Variants in GXYLT2 observed in about 807,000 individuals in gnomAD.
GXYLT2 encodes the protein glycosyltransferase 8 domain containing 4.
A neutral mutation model predicts 45.8 loss-of-function variants in GXYLT2; 53 were observed. The ratio of observed to expected loss-of-function variants is 1.16; its 90% CI spans 0.93 to 1.46. The LOEUF (loss-of-function observed/expected upper bound fraction) is 1.46. Among genes scored for constraint, GXYLT2 ranks in the 40% most tolerant of loss-of-function variants. GXYLT2 has a pLI of 0.00. For missense variants in GXYLT2, 551 were observed against 544.4 expected, an observed-to-expected ratio of 1.01 and a Z score of -0.12; for synonymous variants, 219 against 214.2, an observed-to-expected ratio of 1.02 and a Z score of -0.19.
intron 3 of GXYLT2, among the ~76,000 whole-genome samples, chr3:72,927,930 G>A (rs570165031): frequency 1.3e-5 from 2 of 152,288 alleles, no homozygotes; most frequent in African/African-American, 2.4e-5. Context: ...AGCAAAGAAG[G>A]AAATTAATTT....
intron 1 of GXYLT2, among the ~76,000 whole-genome samples, chr3:72,900,436 G>A (rs772563605): frequency 2.0e-5 from 3 of 151,462 alleles, no homozygotes; most frequent in Admixed American, 2.0e-4. Context: ...TTTTTGAGAC[G>A]GAGTTTCACT....
chr3:72,971,419 T>A (rs1559754479), intron 6 of GXYLT2, among the ~76,000 whole-genome samples: 1 of 152,150 alleles, frequency 6.6e-6, no homozygotes, highest in African/African-American at 2.4e-5. Flanking sequence ...TGTGAACCAT[T>A]GTGTAGTGGG....
At chr3:72,967,397 G>T in intron 5 of GXYLT2, 150 bp from the exon 6 acceptor site, 2 of 541,634 alleles carry the variant, frequency 3.7e-6, no homozygotes, top group East Asian at 6.4e-5. Context: ...GACAAATGGG[G>T]CAAAATTTGA....
chr3:72,888,296 G>GCTGCTGTCC lies in GXYLT2; in HGVS notation c.68_76dup (p.Leu23_Leu25dup), dbSNP rs1709104727. ...TCGCGCTGGCCGCGCTGCTGCTGGC[G>GCTGCTGTCC]CTGCTGTCCCTGCGCGCTGGCCGCG... is the stretch of plus-strand genomic sequence containing the variant. On this transcript the variant is annotated inframe_insertion, in exon 1 of 7. Coordinates refer to ENST00000389617, the MANE Select transcript of GXYLT2 (RefSeq NM_001080393.2). The GCTGCTGTCC allele has an allele frequency of 8.1e-6, 8 of 992,588 alleles. No homozygotes were observed. The highest frequency in any genetic ancestry group is 9.6e-6 in the Non-Finnish European group (8 of 837,102). The allele number at this position is 992,588 out of a possible 1,614,324, so 61.5% of individuals were successfully genotyped here.
intron 3 of GXYLT2, among the ~76,000 whole-genome samples, chr3:72,930,244 G>A (rs1254919997): frequency 6.6e-6 from 1 of 151,920 alleles, no homozygotes. Flanking sequence ...TCTATAGGAG[G>A]TGTTCATGCC....
chr3:72,910,410 C>T (rs1709593827), intron 2 of GXYLT2, among the ~76,000 whole-genome samples: 1 of 152,136 alleles, frequency 6.6e-6, no homozygotes, highest in African/African-American at 2.4e-5. Flanking sequence ...TATGTACTTG[C>T]TATATGACCT....
chr3:72,890,680 G>C (rs1003133535), intron 1 of GXYLT2, among the ~76,000 whole-genome samples: 40 of 152,196 alleles, frequency 2.6e-4, no homozygotes, highest in African/African-American at 9.2e-4. Flanking sequence ...GAACAGTGGC[G>C]CAGCATCTTT....
intron 3 of GXYLT2, among the ~76,000 whole-genome samples, chr3:72,946,517 A>G (rs1710409650): frequency 6.6e-6 from 1 of 152,092 alleles, no homozygotes; most frequent in African/African-American, 2.4e-5. Context: ...GTCTAAGATA[A>G]AGGCACCAAA....
intron 3 of GXYLT2, among the ~76,000 whole-genome samples, chr3:72,951,092 A>G (rs1710514865): frequency 6.6e-6 from 1 of 152,236 alleles, no homozygotes; most frequent in Admixed American, 6.5e-5. Flanking sequence ...AATATCCCAC[A>G]TCCCATTATA....
intron 5 of GXYLT2, among the ~76,000 whole-genome samples, chr3:72,961,709 A>G (rs62249925): frequency 0.47 from 70,366 of 148,592 alleles, 19,526 homozygotes; most frequent in Non-Finnish European, 0.62. Flanking sequence ...CCCAGCTGCG[A>G]CTGAATTCTC....
At chr3:72,963,615 G>A (rs1387125886) in intron 5 of GXYLT2, among the ~76,000 whole-genome samples, 1 of 149,764 alleles carries the variant, frequency 6.7e-6, no homozygotes, top group Non-Finnish European at 1.5e-5. Flanking sequence ...TGAGTCTCCT[G>A]CCTTAGCCTC....
At chr3:72,946,841 A>C (rs1442859378) in intron 3 of GXYLT2, among the ~76,000 whole-genome samples, 1 of 152,080 alleles carries the variant, frequency 6.6e-6, no homozygotes, top group East Asian at 1.9e-4. Flanking sequence ...TTATTTGTTT[A>C]AGAGACAGGT....
At chr3:72,912,230 G>A (rs895761576) in intron 2 of GXYLT2, among the ~76,000 whole-genome samples, 8 of 151,718 alleles carry the variant, frequency 5.3e-5, no homozygotes, top group African/African-American at 1.5e-4. Context: ...GGCTTGTCTC[G>A]AACACCTGAC....
chr3:72,975,273 T>C lies in GXYLT2; in HGVS notation c.*114T>C, dbSNP rs957467981. 7.0e-6 allele frequency: 5 copies of C among 719,232 alleles called. No individual in the cohort carries two copies. The highest frequency in any genetic ancestry group is 1.0e-5 in the Non-Finnish European group (5 of 484,728). 44.6% of individuals were successfully genotyped at this position (719,232 alleles called of 1,614,324 possible). A position where few individuals can be genotyped will look rare whatever the true frequency, so the allele number is the denominator to read the frequency against. On this transcript the variant is annotated 3_prime_UTR_variant, in exon 7 of 7. Transcript: ENST00000389617. ...TTAATGGTGCTCCATGACTGTTGAG[T>C]TTTAAAAACCTCGTTAAATTTTGCC...
intron 1 of GXYLT2, among the ~76,000 whole-genome samples, chr3:72,902,868 C>T (rs755418830): frequency 7.9e-5 from 12 of 152,042 alleles, no homozygotes; most frequent in Non-Finnish European, 1.5e-4. Context: ...CAAAAATTAG[C>T]TGGGTGTGGT....
chr3:72,974,683 A>G (rs1376045544), intron 6 of GXYLT2, among the ~76,000 whole-genome samples: 1 of 152,114 alleles, frequency 6.6e-6, no homozygotes, highest in East Asian at 1.9e-4. Context: ...CCTGGGCTCA[A>G]GTGGTCCTCC....
rs369647085 is a variant in GXYLT2 at position 72,915,361 on chromosome 3, G to A, written c.468+6802G>A. Among the ~76,000 whole-genome samples the A allele has an allele frequency of 7.2e-4, 89 of 122,960 alleles. 6 individuals are homozygous for A. In the South Asian group the frequency reaches 0.019, roughly 26 times the overall value. 80.7% of individuals were successfully genotyped at this position (122,960 alleles called of 152,430 possible). On this transcript the variant is annotated intron_variant, in intron 2 of 6. Coordinates refer to ENST00000389617, the MANE Select transcript of GXYLT2 (RefSeq NM_001080393.2). Reference sequence around the variant, plus strand: ...TCCTTTTTTTTTTTTTTTTGCGGGGGGGGGGGGGATTTAGGAAAAATAGCC... The same window carrying A: ...TCCTTTTTTTTTTTTTTTTGCGGGGAGGGGGGGGATTTAGGAAAAATAGCC...
chr3:72,954,200 C>T (rs975790899), intron 3 of GXYLT2, among the ~76,000 whole-genome samples: 2 of 151,624 alleles, frequency 1.3e-5, no homozygotes, highest in South Asian at 2.1e-4. Context: ...GCCCCCTCCC[C>T]GGGTTCAAGC....
chr3:72,906,477 G>C (rs1312170250), intron 1 of GXYLT2, among the ~76,000 whole-genome samples: 1 of 152,138 alleles, frequency 6.6e-6, no homozygotes, highest in Non-Finnish European at 1.5e-5. Flanking sequence ...TACCTTCATA[G>C]TACTTATTAC....
Sources: gnomAD v4.1 joint callset for allele counts (sites outside exome capture counted in the v4.1 genomes callset) on GRCh38, gnomAD v4.1.1 for gene constraint, MANE v1.5 for transcripts, NCBI Gene and HGNC (gene_info 2026-07-23, HGNC 2026-07-21) for gene names.